Variants in AQP1 observed in about 807,000 individuals in gnomAD.
AQP1 encodes aquaporin 1 (Colton blood group), also known as aquaporin-1.
A neutral mutation model predicts 19.7 loss-of-function variants in AQP1; 11 were observed. The observed-to-expected ratio is 0.56, with a 90% confidence interval of 0.35 to 0.92. The LOEUF (loss-of-function observed/expected upper bound fraction) is 0.92. Ranked by LOEUF, AQP1 falls within the 40% of genes least tolerant of loss-of-function variation. AQP1 has a pLI of 0.01. For synonymous variants in AQP1, 159 were observed against 166.7 expected (o/e 0.95, Z 0.36); for missense variants, 320 against 369.7 (o/e 0.87, Z 1.10).
At position 30,912,217 on chromosome 7, in the gene AQP1, T is replaced by G. The variant is rs1303659562; in HGVS notation, c.308T>G (p.Val103Gly). ...CTCATGTACATCATCGCCCAGTGCGTGGGGGCCATCGTCGCCACCGCCATC... is the reference window on the plus strand; with the variant it reads ...CTCATGTACATCATCGCCCAGTGCGGGGGGGCCATCGTCGCCACCGCCATC... ...RALMYIIAQC[V>G]GAIVATAILS... The change falls in exon 1 of 4, where the codon GTG becomes GGG. Residue 103 changes from valine (V) to glycine (G), a missense_variant. Val to Gly is a moderately radical substitution (Grantham distance 109, BLOSUM62 -3). Transcript: ENST00000311813. The surrounding 1 kb of genome is among the most constrained non-coding windows in gnomAD (Gnocchi z 4.3). 2.5e-6 allele frequency: 4 copies of G among 1,610,854 alleles called. No individual in the cohort carries two copies. The highest frequency in any genetic ancestry group is 3.4e-6 in the Non-Finnish European group (4 of 1,179,984).
rs1181803943 is a variant in AQP1, at chr7:30,912,551, C to T, written c.384+258C>T. Among the ~76,000 whole-genome samples, 1 of 152,210 alleles carries T rather than the reference C, an allele frequency of 6.6e-6. No individual in the cohort carries two copies. The highest frequency in any genetic ancestry group is 1.5e-5 in the Non-Finnish European group (1 of 68,034). On this transcript the variant is annotated intron_variant, in intron 1 of 3. Coordinates refer to ENST00000311813, the MANE Select transcript of AQP1 (RefSeq NM_198098.4). This position sits in a 1 kb window ranked among gnomAD's most constrained non-coding sequence, Gnocchi z 4.3. ...GGTCTTGCCAATGTCCCCTGCAGGG[C>T]ATCTATTATGGGGAATAAGCTTGGC...
intron 1 of AQP1, among the ~76,000 whole-genome samples, chr7:30,916,129 G>C (rs1362102443): frequency 6.6e-6 from 1 of 152,198 alleles, no homozygotes; most frequent in Admixed American, 6.5e-5. Flanking sequence ...TGCCCACCCT[G>C]ATGCTTGGCC....
rs1791652745 is a variant in AQP1 at position 30,925,441 on chromosome 7, G to C, written c.*1812G>C. ...GCACACCAAGGCCCTGCATCTGTCT[G>C]CTCTGCATATATGTCTCTTTGGAGT... On this transcript the variant is annotated 3_prime_UTR_variant, in exon 4 of 4. Transcript: ENST00000311813. The C allele has an allele frequency of 2.6e-5, 4 of 152,410 alleles. No homozygotes were observed. In the East Asian group the frequency reaches 5.8e-4, roughly 22 times the overall value. The allele number at this position is 152,410 out of a possible 1,614,324, so 9.4% of individuals were successfully genotyped here.
intron 1 of AQP1, among the ~76,000 whole-genome samples, chr7:30,918,034 G>A (rs1300726820): frequency 3.4e-5 from 5 of 149,244 alleles, no homozygotes; most frequent in South Asian, 4.2e-4. Context: ...TCACTCTGTC[G>A]CCCAGGCTGG....
At position 30,923,911 on chromosome 7, in the gene AQP1, C is replaced by A; in HGVS notation, c.*282C>A. 6.9e-7 allele frequency: 1 copy of A among 1,456,846 alleles called. No homozygotes were observed. Among genetic ancestry groups the A allele is most frequent in the Non-Finnish European group, 9.2e-7 (1 of 1,091,048 alleles). The allele number at this position is 1,456,846 out of a possible 1,614,324, so 90.2% of individuals were successfully genotyped here. On this transcript the variant is annotated 3_prime_UTR_variant, in exon 4 of 4. Coordinates refer to ENST00000311813, the MANE Select transcript of AQP1 (RefSeq NM_198098.4). This position sits in a 1 kb window ranked among gnomAD's most constrained non-coding sequence, Gnocchi z 4.8. ...GAAAGAAAGGGACCCACCTGCTAGT[C>A]GCCCCTCAGAGCATGATGGGAGGTG... is the stretch of plus-strand genomic sequence containing the variant.
At position 30,912,423 on chromosome 7, in the gene AQP1, TAG is replaced by T; in HGVS notation, c.384+135_384+136del. Reference sequence around the variant, plus strand: ...GGACAAGAGGTTGCTGGAGGTCACGTAGAGAGCTGGGGGGAAGAGCTGGGGCT... The same window carrying T: ...GGACAAGAGGTTGCTGGAGGTCACGTAGAGCTGGGGGGAAGAGCTGGGGCT... On this transcript the variant is annotated intron_variant, in intron 1 of 3. Transcript: ENST00000311813. This position sits in a 1 kb window ranked among gnomAD's most constrained non-coding sequence, Gnocchi z 4.3. 1 of 1,364,376 alleles carries T rather than the reference TAG, an allele frequency of 7.3e-7. No homozygotes were observed. The highest frequency in any genetic ancestry group is 2.1e-5 in the Admixed American group (1 of 46,730). 84.5% of individuals were successfully genotyped at this position (1,364,376 alleles called of 1,614,324 possible).
chr7:30,922,809 C>G (rs554328595), intron 3 of AQP1, among the ~76,000 whole-genome samples, 165 bp downstream of exon 3: 2 of 152,182 alleles, frequency 1.3e-5, no homozygotes, highest in African/African-American at 4.8e-5. Flanking sequence ...GGGGGTCACA[C>G]TGCCAGCACT....
chr7:30,914,085 G>C (rs1791246578), intron 1 of AQP1, among the ~76,000 whole-genome samples: 1 of 152,230 alleles, frequency 6.6e-6, no homozygotes, highest in Non-Finnish European at 1.5e-5. Flanking sequence ...CCGAGGCAGA[G>C]GCGGGAGGGT....
At chr7:30,921,792 C>A (rs1791507180) in intron 1 of AQP1, 10 of 1,550,650 alleles carry the variant, frequency 6.4e-6, no homozygotes, top group Non-Finnish European at 8.7e-6. Context: ...CCAGCTCACC[C>A]CAGGCCTCTC....
chr7:30,921,603 G>A (rs1444981926), intron 1 of AQP1: 8 of 1,550,280 alleles, frequency 5.2e-6, no homozygotes, highest in Middle Eastern at 1.7e-4. Context: ...CGGGCATGGG[G>A]TGGAATGTTC....
rs764513622 is a variant in AQP1 at position 30,923,575 on chromosome 7, G to A, written c.756G>A (p.Glu252=). Residue 252 remains glutamate, a synonymous_variant, in exon 4 of 4, where the codon GAG becomes GAA. Transcript: ENST00000311813. This position sits in a 1 kb window ranked among gnomAD's most constrained non-coding sequence, Gnocchi z 4.8. ...VKVWTSGQVE[E]YDLDADDINS... Reference sequence around the variant, plus strand: ...TGTGGACCAGCGGCCAGGTGGAGGAGTATGACCTGGATGCCGACGACATCA... The same window carrying A: ...TGTGGACCAGCGGCCAGGTGGAGGAATATGACCTGGATGCCGACGACATCA... 2 of 1,602,118 alleles carry A rather than the reference G, an allele frequency of 1.2e-6. No individual in the cohort carries two copies. Among genetic ancestry groups the A allele is most frequent in the South Asian group, 1.1e-5 (1 of 90,904 alleles).
In AQP1 at chr7:30,912,001, C is replaced by A. The variant is rs766962806; in HGVS notation, c.92C>A (p.Ser31Tyr). 1 of 1,613,664 alleles carries A rather than the reference C, an allele frequency of 6.2e-7. No individual in the cohort carries two copies. Among genetic ancestry groups the A allele is most frequent in the Admixed American group, 1.7e-5 (1 of 60,034 alleles). The change falls in exon 1 of 4, where the codon TCT (serine) becomes TAT (tyrosine). Residue 31 changes from serine (S) to tyrosine (Y), a missense_variant. Transcript: ENST00000311813. The surrounding 1 kb of genome is among the most constrained non-coding windows in gnomAD (Gnocchi z 4.3). ...CTCTTTGTCTTCATCAGCATCGGTT[C>A]TGCCCTGGGCTTCAAATACCCGGTG... ...TTLFVFISIG[S>Y]ALGFKYPVGN... is the part of the protein sequence containing the mutation.
rs761805297 is a variant in AQP1 at position 30,912,316 on chromosome 7, TGGG to T, written c.384+28_384+30del. 1 of 1,595,644 alleles carries T rather than the reference TGGG, an allele frequency of 6.3e-7. No individual in the cohort carries two copies. The highest frequency in any genetic ancestry group is 8.5e-7 in the Non-Finnish European group (1 of 1,177,358). On this transcript the variant is annotated intron_variant, in intron 1 of 3. Transcript: ENST00000311813. The surrounding 1 kb of genome is among the most constrained non-coding windows in gnomAD (Gnocchi z 4.3). ...GACGTGAGTGGGGTGTCCCTGGGCT[TGGG>T]GGGGTTCTAGAATGATGCTGAAAGG...
chr7:30,914,076 C>T (rs1469010732), intron 1 of AQP1, among the ~76,000 whole-genome samples: 2 of 152,162 alleles, frequency 1.3e-5, no homozygotes, highest in East Asian at 3.9e-4. Flanking sequence ...TATGCGCATC[C>T]GAGGCAGAGG....
At chr7:30,915,928 T>G (rs1791339785) in intron 1 of AQP1, among the ~76,000 whole-genome samples, 1 of 152,136 alleles carries the variant, frequency 6.6e-6, no homozygotes, top group African/African-American at 2.4e-5. Context: ...CAGCCCGTCC[T>G]GCCCAGGGAG....
Position 30,924,051 on chromosome 7 carries a change from C to G in AQP1, c.*422C>G, listed in dbSNP as rs1311897056. The G allele has an allele frequency of 7.9e-7, 1 of 1,266,744 alleles. No homozygotes were observed. The highest frequency in any genetic ancestry group is 1.0e-6 in the Non-Finnish European group (1 of 977,696). 78.5% of individuals were successfully genotyped at this position (1,266,744 alleles called of 1,614,324 possible). ...GGCACGGCCCTCCTTCTTTTCCTAA[C>G]ATGCACCTTGCTCCCAATGGTGCTT... On this transcript the variant is annotated 3_prime_UTR_variant, in exon 4 of 4. Coordinates refer to ENST00000311813, the MANE Select transcript of AQP1 (RefSeq NM_198098.4).
Position 30,922,519 on chromosome 7 carries a change from A to G in AQP1, c.550-45A>G, listed in dbSNP as rs778081147. 30 of 1,557,556 alleles carry G rather than the reference A, an allele frequency of 1.9e-5. 1 individual carries two copies. The South Asian group carries it at 2.0e-4, about 10-fold the overall frequency. ...CCCTCCTCTCACTCTCTCTTCACCT[A>G]TGACTCTCTGCCTTCGCCCCTCCCT... On this transcript the variant is annotated intron_variant, in intron 2 of 3. Coordinates refer to ENST00000311813, the MANE Select transcript of AQP1 (RefSeq NM_198098.4).
chr7:30,922,561 C>G lies in AQP1; in HGVS notation c.550-3C>G. On this transcript the variant is annotated splice_polypyrimidine_tract_variant and splice_region_variant and intron_variant, in intron 2 of 3. Transcript: ENST00000311813. Reference sequence around the variant, plus strand: ...CCCCTCCCTCTGTTTCTTTCCCTCACAGATTGACTACACTGGCTGTGGGAT... The same window carrying G: ...CCCCTCCCTCTGTTTCTTTCCCTCAGAGATTGACTACACTGGCTGTGGGAT... The G allele has an allele frequency of 6.2e-7, 1 of 1,613,990 alleles. No homozygotes were observed. Among genetic ancestry groups the G allele is most frequent in the Non-Finnish European group, 8.5e-7 (1 of 1,179,818 alleles).
chr7:30,921,525 G>A (rs1344916518), intron 1 of AQP1: 5 of 1,519,310 alleles, frequency 3.3e-6, no homozygotes, highest in African/African-American at 1.4e-5. Flanking sequence ...AGGCACAGAG[G>A]AGAAAGAGGG....
Sources: gnomAD v4.1 joint callset for allele counts (sites outside exome capture counted in the v4.1 genomes callset) on GRCh38, gnomAD v4.1.1 for gene constraint, Gnocchi (gnomAD v3.1) non-coding constraint, MANE v1.5 for transcripts, NCBI Gene and HGNC (gene_info 2026-07-23, HGNC 2026-07-21) for gene names.